Variants in THSD7B observed in about 807,000 individuals in gnomAD.
THSD7B encodes the protein thrombospondin type 1 domain containing 7B.
THSD7B carries 138 observed loss-of-function variants against 213.6 expected under a neutral mutation model. The observed-to-expected ratio is 0.65, with a 90% confidence interval of 0.56 to 0.74. THSD7B has a LOEUF of 0.74. Among genes scored for constraint, THSD7B ranks in the 30% least tolerant of loss-of-function variants. THSD7B has a pLI of 0.00. For missense variants in THSD7B, 1,931 were observed against 1,991.5 expected (o/e 0.97, Z 0.58); for synonymous variants, 742 against 687.0 (o/e 1.08, Z -1.25).
In THSD7B at chr2:137,369,757, C is replaced by T. The variant is rs531654505; in HGVS notation, c.2501-35856C>T. ...TGACCTCTGCTATCAACAGAGTTTT[C>T]TCTGTGTCCTGTTCTAATTTCTCCT... On this transcript the variant is annotated intron_variant, in intron 12 of 27. Transcript: ENST00000409968. Among the ~76,000 whole-genome samples, 5 of 152,246 alleles carry T rather than the reference C, an allele frequency of 3.3e-5. No individual in the cohort carries two copies. The East Asian group carries it at 9.7e-4, about 29-fold the overall frequency.
At chr2:136,976,123 A>G (rs1685477420) in intron 2 of THSD7B, among the ~76,000 whole-genome samples, 1 of 152,224 alleles carries the variant, frequency 6.6e-6, no homozygotes, top group Admixed American at 6.5e-5. Context: ...GTCATCTGCA[A>G]ACAAAGACAA....
chr2:137,459,969 T>G (rs1430044326), intron 15 of THSD7B, among the ~76,000 whole-genome samples: 1 of 152,188 alleles, frequency 6.6e-6, no homozygotes, highest in African/African-American at 2.4e-5. Flanking sequence ...TCTTGCCCAA[T>G]GAAGCCATCA....
At chr2:137,132,938 T>G (rs894937785) in intron 5 of THSD7B, among the ~76,000 whole-genome samples, 1 of 150,222 alleles carries the variant, frequency 6.7e-6, no homozygotes, top group African/African-American at 2.4e-5. Context: ...ACAGCCACAC[T>G]GTACTTTTTA....
chr2:137,644,443 G>A (rs1023797842), intron 21 of THSD7B, among the ~76,000 whole-genome samples: 2 of 152,040 alleles, frequency 1.3e-5, no homozygotes, highest in South Asian at 2.1e-4. Flanking sequence ...TATAGATGAA[G>A]TCAGTCACTC....
intron 12 of THSD7B, among the ~76,000 whole-genome samples, chr2:137,300,731 G>T (rs1002388354): frequency 1.3e-5 from 2 of 152,146 alleles, no homozygotes; most frequent in African/African-American, 4.8e-5. Context: ...ATCAGCCAAA[G>T]AAATACATTT....
chr2:137,452,517 A>G (rs1014665118), intron 15 of THSD7B, among the ~76,000 whole-genome samples: 1 of 152,162 alleles, frequency 6.6e-6, no homozygotes, highest in Non-Finnish European at 1.5e-5. Context: ...TTTAAAATGA[A>G]AAGAACTACT....
At chr2:136,935,829 G>A (rs893312630) in intron 2 of THSD7B, among the ~76,000 whole-genome samples, 2 of 150,098 alleles carry the variant, frequency 1.3e-5, no homozygotes, top group African/African-American at 2.4e-5. Flanking sequence ...GGTATGCTTG[G>A]GCATATGCCA....
intron 1 of THSD7B, among the ~76,000 whole-genome samples, chr2:136,801,965 A>G (rs1276302825): frequency 1.3e-5 from 2 of 152,162 alleles, no homozygotes; most frequent in African/African-American, 2.4e-5. Flanking sequence ...ATGCATATTT[A>G]GTGAGCTGCT....
chr2:137,455,910 T>C lies in THSD7B; in HGVS notation c.3138+4887T>C, dbSNP rs189356171. Among the ~76,000 whole-genome samples the C allele has an allele frequency of 2.0e-4, 30 of 152,348 alleles. No homozygotes were observed. The East Asian group carries it at 5.6e-3, about 28-fold the overall frequency. On this transcript the variant is annotated intron_variant, in intron 15 of 27. Coordinates refer to ENST00000409968, the MANE Select transcript of THSD7B (RefSeq NM_001316349.2). The stretch of plus-strand genomic sequence containing the variant: ...ATTAAAGCCCTGTTGGACTTACATT[T>C]CCCTTTATGAGTTCTTCACATGGTG...
chr2:136,802,639 TTATATA>T (rs56719114), intron 1 of THSD7B, among the ~76,000 whole-genome samples: 611 of 57,352 alleles, frequency 0.011, 6 homozygotes, highest in South Asian at 0.02. Context: ...TGAATTAAGT[TTATATA>T]TATATATATA....
chr2:137,197,062 G>A (rs1002385126), intron 7 of THSD7B, among the ~76,000 whole-genome samples: 3 of 151,976 alleles, frequency 2.0e-5, no homozygotes, highest in Admixed American at 6.6e-5. Context: ...AAGAAACTTC[G>A]GACCAATGCA....
intron 15 of THSD7B, among the ~76,000 whole-genome samples, chr2:137,513,194 T>C (rs368248562): frequency 6.6e-6 from 1 of 152,220 alleles, no homozygotes; most frequent in African/African-American, 2.4e-5. Context: ...ATATTTAACA[T>C]AGTGAACCAG....
intron 2 of THSD7B, among the ~76,000 whole-genome samples, chr2:136,905,441 T>A (rs1684143437): frequency 6.6e-6 from 1 of 152,212 alleles, no homozygotes; most frequent in South Asian, 2.1e-4. Flanking sequence ...ACAAAGGTTT[T>A]GTGAGAAATA....
chr2:136,931,560 GC>G (rs754111262), intron 2 of THSD7B, among the ~76,000 whole-genome samples: 1 of 152,136 alleles, frequency 6.6e-6, no homozygotes, highest in Non-Finnish European at 1.5e-5. Flanking sequence ...AGCAAACACA[GC>G]CGCTATTGGT....
chr2:137,257,166 AC>A, intron 10 of THSD7B, among the ~76,000 whole-genome samples: 1 of 152,310 alleles, frequency 6.6e-6, no homozygotes, highest in Admixed American at 6.5e-5. Context: ...TAGGGGATTC[AC>A]TTTTGTCATG....
Position 137,676,780 on chromosome 2 carries a change from A to G in THSD7B, c.*175A>G, listed in dbSNP as rs1683712232. The G allele has an allele frequency of 1.9e-6, 1 of 528,664 alleles. No individual in the cohort carries two copies. The highest frequency in any genetic ancestry group is 3.0e-6 in the Non-Finnish European group (1 of 331,320). 32.7% of individuals were successfully genotyped at this position (528,664 alleles called of 1,614,324 possible). A position where few individuals can be genotyped will look rare whatever the true frequency, so the allele number is the denominator to read the frequency against. On this transcript the variant is annotated 3_prime_UTR_variant, in exon 28 of 28. Transcript: ENST00000409968. ...TTTGGACATGGAGTCAAGGATTATTAGGTCTGCCATTTTGTTTTCAAGTTG... is the reference window on the plus strand; with the variant it reads ...TTTGGACATGGAGTCAAGGATTATTGGGTCTGCCATTTTGTTTTCAAGTTG...
At chr2:137,448,701 A>AGGCCGG (rs1553450589) in intron 14 of THSD7B, among the ~76,000 whole-genome samples, 2 of 152,146 alleles carry the variant, frequency 1.3e-5, no homozygotes, top group Non-Finnish European at 2.9e-5. Flanking sequence ...CGGGAGGCTG[A>AGGCCGG]GGCCGGAGAA....
chr2:136,919,444 T>C (rs975954637), intron 2 of THSD7B, among the ~76,000 whole-genome samples: 2 of 152,226 alleles, frequency 1.3e-5, no homozygotes, highest in African/African-American at 4.8e-5. Flanking sequence ...GATCAGACCA[T>C]GTAAATGGCT....
At chr2:136,839,362 CT>C (rs1469933174) in intron 1 of THSD7B, among the ~76,000 whole-genome samples, 1 of 152,192 alleles carries the variant, frequency 6.6e-6, no homozygotes, top group Non-Finnish European at 1.5e-5. Flanking sequence ...GTAGGAACTT[CT>C]TATCCTCCAT....
Sources: allele counts gnomAD v4.1 joint callset (sites outside exome capture counted in the v4.1 genomes callset), GRCh38; gene constraint gnomAD v4.1.1; transcripts MANE v1.5; gene names NCBI Gene and HGNC (gene_info 2026-07-23, HGNC 2026-07-21).